SYNRG: variants seen among roughly 807,000 people sequenced by gnomAD.
The protein encoded by SYNRG is synergin gamma, also known as AP1 gamma subunit binding protein 1.
In SYNRG, 37 loss-of-function variants were observed where a neutral mutation model predicts 130.9. That is an observed-to-expected ratio of 0.28 (90% CI 0.22 to 0.37). SYNRG has a LOEUF of 0.37. Among genes scored for constraint, SYNRG ranks in the 10% least tolerant of loss-of-function variants. The pLI is 1.00. For synonymous variants in SYNRG, 539 were observed against 568.1 expected, an observed-to-expected ratio of 0.95 and a Z score of 0.73; for missense variants, 1,338 against 1,588.9, an observed-to-expected ratio of 0.84 and a Z score of 2.68.
At chr17:37,532,875 C>T (rs2056782023) in intron 19 of SYNRG, among the ~76,000 whole-genome samples, 1 of 152,104 alleles carries the variant, frequency 6.6e-6, no homozygotes, top group African/African-American at 2.4e-5. Context: ...CATCTGTATG[C>T]ACTACTACAC....
intron 18 of SYNRG, chr17:37,537,563 G>T (rs964021905): frequency 6.6e-6 from 1 of 152,276 alleles, no homozygotes. Flanking sequence ...CTGGGAGGTG[G>T]ACGCTGCAGT....
Position 37,554,013 on chromosome 17 carries a change from G to A in SYNRG, c.1710C>T (p.Phe570=). The stretch of plus-strand genomic sequence containing the variant: ...CACTATCGGCTGTTTTAAAATCGGT[G>A]AAACCATCATCAGTTCCTGCAGATC... ...EFRSAGTDDG[F]TDFKTADSVS... is the part of the protein sequence containing the mutation. The change falls in exon 14 of 22, where the codon TTC becomes TTT. Residue 570 remains phenylalanine (F), a synonymous_variant. Coordinates refer to ENST00000612223, the MANE Select transcript of SYNRG (RefSeq NM_007247.6). 6.2e-7 allele frequency: 1 copy of A among 1,607,074 alleles called. No homozygotes were observed. The highest frequency in any genetic ancestry group is 1.1e-5 in the South Asian group (1 of 89,320).
At chr17:37,537,954 T>G (rs1184835800) in intron 18 of SYNRG, among the ~76,000 whole-genome samples, 2 of 152,242 alleles carry the variant, frequency 1.3e-5, no homozygotes, top group Admixed American at 1.3e-4. Flanking sequence ...GCCAGGAGGT[T>G]AAGGACTCTG....
At chr17:37,539,774 TTCCCCC>T (rs1223886963) in intron 16 of SYNRG, among the ~76,000 whole-genome samples, 1 of 152,238 alleles carries the variant, frequency 6.6e-6, no homozygotes, top group African/African-American at 2.4e-5. Flanking sequence ...TTCCAGCAGC[TTCCCCC>T]TGTGAGTGTT....
intron 19 of SYNRG, among the ~76,000 whole-genome samples, chr17:37,532,503 T>C (rs2056734995): frequency 6.6e-6 from 1 of 151,930 alleles, no homozygotes; most frequent in African/African-American, 2.4e-5. Flanking sequence ...TGAAACCCTG[T>C]CTCTACTAAA....
At chr17:37,522,999 G>A (rs2055333447) in intron 19 of SYNRG, among the ~76,000 whole-genome samples, 1 of 152,086 alleles carries the variant, frequency 6.6e-6, no homozygotes, top group South Asian at 2.1e-4. Context: ...TAGCACTGAG[G>A]ACATCCCTCA....
At chr17:37,520,085 C>T in intron 21 of SYNRG, 94 bp downstream of exon 21, 2 of 1,356,594 alleles carry the variant, frequency 1.5e-6, no homozygotes, top group Admixed American at 3.4e-5. Flanking sequence ...ATGATTGGAA[C>T]AGTTCAGGAT....
intron 9 of SYNRG, 43 bp downstream of exon 9, chr17:37,571,748 T>A (rs367705393): frequency 1.3e-6 from 2 of 1,539,768 alleles, no homozygotes; most frequent in African/African-American, 2.8e-5. Context: ...TTGCAATTTA[T>A]ATTAATAAAG....
Position 37,571,997 on chromosome 17 carries a change from G to A in SYNRG, c.902-10C>T. On this transcript the variant is annotated splice_polypyrimidine_tract_variant and intron_variant, in intron 8 of 21. Coordinates refer to ENST00000612223, the MANE Select transcript of SYNRG (RefSeq NM_007247.6). ...ATTTTCTTATAGGCATCTATTAAAG[G>A]AAAGACCAGATTACAAATGGAAACA... The A allele has an allele frequency of 6.2e-7, 1 of 1,600,916 alleles. No homozygotes were observed. Among genetic ancestry groups the A allele is most frequent in the African/African-American group, 1.3e-5 (1 of 74,340 alleles).
rs1340873861 is a variant in SYNRG at position 37,538,483 on chromosome 17, T to G, written c.3421-63A>C. The G allele has an allele frequency of 2.4e-6, 3 of 1,234,856 alleles. No individual in the cohort carries two copies. The African/African-American group carries it at 4.6e-5, about 19-fold the overall frequency. 76.5% of individuals were successfully genotyped at this position (1,234,856 alleles called of 1,614,324 possible). ...GAAAAGTCATTGCAAATCAATTTAC[T>G]ATTAGTAGAAAACCCAACCGAAAAG... On this transcript the variant is annotated intron_variant, in intron 17 of 21. Coordinates refer to ENST00000612223, the MANE Select transcript of SYNRG (RefSeq NM_007247.6).
intron 13 of SYNRG, among the ~76,000 whole-genome samples, chr17:37,559,456 G>A (rs1356970562): frequency 5.3e-5 from 8 of 152,194 alleles, no homozygotes; most frequent in African/African-American, 1.9e-4. Flanking sequence ...GTGGGAGGCC[G>A]AGGCGGGCAG....
At position 37,590,719 on chromosome 17, in the gene SYNRG, G is replaced by A. The variant is rs188036028; in HGVS notation, c.241-4170C>T. Among the ~76,000 whole-genome samples, 429 of 152,158 alleles carry A rather than the reference G, an allele frequency of 2.8e-3. 4 individuals carry two copies. Among genetic ancestry groups the A allele is most frequent in the African/African-American group, 9.6e-3 (397 of 41,526 alleles). Reference sequence around the variant, plus strand: ...GTGGATTGCTTGAGGTCAGGAGTTCGAGACCAGCCTGGCCGACATGGTGAA... The same window carrying A: ...GTGGATTGCTTGAGGTCAGGAGTTCAAGACCAGCCTGGCCGACATGGTGAA... On this transcript the variant is annotated intron_variant, in intron 3 of 21. Coordinates refer to ENST00000612223, the MANE Select transcript of SYNRG (RefSeq NM_007247.6).
chr17:37,605,973 C>A, intron 1 of SYNRG: 1 of 985,424 alleles, frequency 1.0e-6, no homozygotes, highest in Non-Finnish European at 1.2e-6. Flanking sequence ...TGATGCAGCA[C>A]AAGTGAGAGA....
chr17:37,588,911 ACATT>A lies in SYNRG; in HGVS notation c.241-2366_241-2363del, dbSNP rs1479737570. Reference sequence around the variant, plus strand: ...TATTTACAAACTCCTTTCTTGAGGAACATTCAAATTTACTAAATGGCATTTTGTG... The same window carrying A: ...TATTTACAAACTCCTTTCTTGAGGAACAAATTTACTAAATGGCATTTTGTG... On this transcript the variant is annotated intron_variant, in intron 3 of 21. Coordinates refer to ENST00000612223, the MANE Select transcript of SYNRG (RefSeq NM_007247.6). Among the ~76,000 whole-genome samples, 4 of 152,350 alleles carry A rather than the reference ACATT, an allele frequency of 2.6e-5. No homozygotes were observed. In the East Asian group the frequency reaches 7.7e-4, roughly 29 times the overall value.
chr17:37,537,335 AAACAAC>A (rs1354146285), intron 18 of SYNRG: 1 of 152,410 alleles, frequency 6.6e-6, no homozygotes, highest in Admixed American at 6.5e-5. Flanking sequence ...CAGAGAGTAA[AAACAAC>A]AAGTAGCTAG....
chr17:37,565,751 T>C (rs2059905661), intron 11 of SYNRG, among the ~76,000 whole-genome samples: 1 of 147,498 alleles, frequency 6.8e-6, no homozygotes, highest in Non-Finnish European at 1.5e-5. Context: ...GTCTGGGAGG[T>C]GAGGAGCGTC....
At chr17:37,522,792 C>A (rs989345648) in intron 19 of SYNRG, among the ~76,000 whole-genome samples, 1 of 152,084 alleles carries the variant, frequency 6.6e-6, no homozygotes, top group Middle Eastern at 3.2e-3. Flanking sequence ...AGGCGTGCAC[C>A]ACCACACCTG....
At chr17:37,579,165 T>A in intron 6 of SYNRG, 1 of 1,210,316 alleles carries the variant, frequency 8.3e-7, no homozygotes, top group Non-Finnish European at 1.1e-6. Flanking sequence ...GCTGAAGCAG[T>A]AGAGAAGTAA....
chr17:37,520,239 T>C, intron 20 of SYNRG, 25 bp from the exon 21 acceptor site: 1 of 1,614,114 alleles, frequency 6.2e-7, no homozygotes, highest in Non-Finnish European at 8.5e-7. Flanking sequence ...AAACCACAGG[T>C]CAACAACATT....
Sources: allele counts gnomAD v4.1 joint callset (sites outside exome capture counted in the v4.1 genomes callset), GRCh38; gene constraint gnomAD v4.1.1; transcripts MANE v1.5; gene names NCBI Gene and HGNC (gene_info 2026-07-23, HGNC 2026-07-21).